The following MAGI2 variants were observed in gnomAD, a reference collection of about 807,000 sequenced individuals.
MAGI2 encodes membrane-associated guanylate kinase, WW and PDZ domain-containing protein 2.
Under a neutral mutation model 133.3 loss-of-function variants are expected in MAGI2, and 35 were observed. The observed-to-expected ratio is 0.26, with a 90% CI of 0.20 to 0.35. The LOEUF is 0.35. MAGI2 is among the 10% of genes least tolerant of loss of function. The probability of loss-of-function intolerance (pLI) is 1.00; values close to 1 mark genes in which losing one functional copy is unlikely to be tolerated. For synonymous variants in MAGI2, 729 were observed against 710.6 expected (o/e 1.03, Z -0.41); for missense variants, 1,636 against 1,863.4 (o/e 0.88, Z 2.25).
chr7:78,654,706 T>C (rs1347823059), intron 2 of MAGI2, among the ~76,000 whole-genome samples: 2 of 912 alleles, frequency 2.2e-3, no homozygotes, highest in Admixed American at 0.016. Flanking sequence ...CATATATGTA[T>C]ATATATATAT....
intron 2 of MAGI2, among the ~76,000 whole-genome samples, chr7:78,767,186 T>A (rs1214520906): frequency 6.6e-6 from 1 of 152,072 alleles, no homozygotes; most frequent in East Asian, 1.9e-4. Flanking sequence ...GAGACGGGTT[T>A]CACCATGTTG....
At chr7:79,229,872 C>A (rs901378559) in intron 1 of MAGI2, among the ~76,000 whole-genome samples, 16 of 150,764 alleles carry the variant, frequency 1.1e-4, no homozygotes, top group African/African-American at 3.2e-4. Context: ...TATACATGTG[C>A]CATGCTGGTG....
At chr7:79,354,873 C>T (rs192736610) in intron 1 of MAGI2, among the ~76,000 whole-genome samples, 9 of 152,252 alleles carry the variant, frequency 5.9e-5, no homozygotes, top group African/African-American at 9.6e-5. Context: ...ACTCCTAAGC[C>T]GCTCCTTAGT....
chr7:78,344,383 T>C (rs964754422), intron 8 of MAGI2, among the ~76,000 whole-genome samples: 1 of 152,100 alleles, frequency 6.6e-6, no homozygotes, highest in Non-Finnish European at 1.5e-5. Context: ...CAGTGGCCGA[T>C]CCTAAACTAA....
intron 13 of MAGI2, among the ~76,000 whole-genome samples, chr7:78,181,929 G>T (rs1306454715): frequency 6.6e-6 from 1 of 152,184 alleles, no homozygotes; most frequent in East Asian, 1.9e-4. Flanking sequence ...TTAGGGAAAA[G>T]GCTGGGTAAC....
chr7:79,005,382 T>C (rs956748729), intron 2 of MAGI2, among the ~76,000 whole-genome samples: 3 of 152,162 alleles, frequency 2.0e-5, no homozygotes, highest in Admixed American at 1.3e-4. Flanking sequence ...TGAAATTACA[T>C]CTTGAAGCTC....
At chr7:78,735,596 C>T (rs181282546) in intron 2 of MAGI2, among the ~76,000 whole-genome samples, 241 of 152,306 alleles carry the variant, frequency 1.6e-3, no homozygotes, top group Non-Finnish European at 1.4e-3. Flanking sequence ...GGATGACTCA[C>T]ACTCTTATAG....
At chr7:78,447,188 T>A (rs1258472190) in intron 6 of MAGI2, among the ~76,000 whole-genome samples, 1 of 151,938 alleles carries the variant, frequency 6.6e-6, no homozygotes, top group Non-Finnish European at 1.5e-5. Context: ...TTACTTAGAG[T>A]CTCTTTTTAA....
intron 1 of MAGI2, among the ~76,000 whole-genome samples, chr7:79,065,683 G>A (rs566570451): frequency 1.3e-5 from 2 of 152,116 alleles, no homozygotes; most frequent in South Asian, 2.1e-4. Flanking sequence ...TCTACATTAA[G>A]TATTTCTCCT....
intron 1 of MAGI2, among the ~76,000 whole-genome samples, chr7:79,209,119 T>C (rs1829294495): frequency 6.6e-6 from 1 of 151,992 alleles, no homozygotes; most frequent in Admixed American, 6.6e-5. Flanking sequence ...ACATGGTGAT[T>C]GTATTCAATA....
intron 21 of MAGI2, among the ~76,000 whole-genome samples, chr7:78,031,739 C>G (rs776477387): frequency 8.5e-5 from 13 of 152,116 alleles, no homozygotes; most frequent in Non-Finnish European, 1.6e-4. Context: ...GTACTTATGT[C>G]ACGGGAGAGA....
chr7:79,448,814 C>A (rs1849036051), intron 1 of MAGI2, among the ~76,000 whole-genome samples: 1 of 151,974 alleles, frequency 6.6e-6, no homozygotes, highest in Non-Finnish European at 1.5e-5. Context: ...AATAAACATG[C>A]CAAAAGATTA....
At chr7:79,052,723 A>G (rs942868436) in intron 1 of MAGI2, among the ~76,000 whole-genome samples, 2 of 152,220 alleles carry the variant, frequency 1.3e-5, no homozygotes, top group African/African-American at 4.8e-5. Context: ...TCTTTTATCA[A>G]TTAACATATT....
At chr7:78,684,298 T>C (rs1219056824) in intron 2 of MAGI2, among the ~76,000 whole-genome samples, 1 of 152,180 alleles carries the variant, frequency 6.6e-6, no homozygotes, top group Non-Finnish European at 1.5e-5. Flanking sequence ...AAGAAGAGAA[T>C]AATTAGTGAC....
In MAGI2 at chr7:79,114,084, T is replaced by C. The variant is rs1819177545; in HGVS notation, c.302-106878A>G. On this transcript the variant is annotated intron_variant, in intron 1 of 21. Transcript: ENST00000354212. ...AGCAAGCATGTAGAGTCATCCAAACTGGGATTGCCATTCTAGATTTCCTAC... is the reference window on the plus strand; with the variant it reads ...AGCAAGCATGTAGAGTCATCCAAACCGGGATTGCCATTCTAGATTTCCTAC... 2.6e-5 allele frequency among the ~76,000 whole-genome samples: 4 copies of C among 152,186 alleles called. No homozygotes were observed. The South Asian group carries it at 8.3e-4, about 32-fold the overall frequency.
intron 2 of MAGI2, among the ~76,000 whole-genome samples, chr7:79,003,389 T>C (rs1807094175): frequency 6.6e-6 from 1 of 152,230 alleles, no homozygotes; most frequent in African/African-American, 2.4e-5. Context: ...CTTATATAGT[T>C]ATAAGTCACT....
At chr7:78,941,418 C>T (rs372817880) in intron 2 of MAGI2, among the ~76,000 whole-genome samples, 10 of 152,234 alleles carry the variant, frequency 6.6e-5, no homozygotes, top group South Asian at 2.1e-4. Flanking sequence ...GGTGCAATCT[C>T]GGCTCACTGC....
intron 2 of MAGI2, among the ~76,000 whole-genome samples, chr7:78,955,773 C>CTTTCTTTCT (rs1802318549): frequency 6.3e-5 from 6 of 95,428 alleles, no homozygotes; most frequent in Non-Finnish European, 1.2e-4. Flanking sequence ...TTCTTTCTTT[C>CTTTCTTTCT]TTTCTTTCTT....
intron 3 of MAGI2, among the ~76,000 whole-genome samples, chr7:78,564,349 GA>G (rs1320955094): frequency 7.2e-5 from 11 of 152,272 alleles, no homozygotes; most frequent in African/African-American, 2.6e-4. Flanking sequence ...TAAAATATAA[GA>G]AAAACATTCT....
Sources: gnomAD v4.1 joint callset for allele counts (sites outside exome capture counted in the v4.1 genomes callset) on GRCh38, gnomAD v4.1.1 for gene constraint, MANE v1.5 for transcripts, NCBI Gene and HGNC (gene_info 2026-07-23, HGNC 2026-07-21) for gene names.